FAM228B: variants seen among roughly 807,000 people sequenced by gnomAD.
The protein encoded by FAM228B is family with sequence similarity 228 member B, also known as protein FAM228B.
In FAM228B, 38 loss-of-function variants were observed where a neutral mutation model predicts 42.6. That is an observed-to-expected ratio of 0.89 (90% CI 0.69 to 1.17). The LOEUF (loss-of-function observed/expected upper bound fraction) is 1.17. Among genes scored for constraint, FAM228B ranks in the 50% most tolerant of loss-of-function variants. The pLI, the probability that FAM228B is intolerant of heterozygous loss-of-function variation, is 0.00. For synonymous variants in FAM228B, 109 were observed against 122.3 expected, an observed-to-expected ratio of 0.89 and a Z score of 0.72; for missense variants, 344 against 367.3, an observed-to-expected ratio of 0.94 and a Z score of 0.52.
At position 24,084,163 on chromosome 2, in the gene FAM228B, C is replaced by T. The variant is rs1368139713; in HGVS notation, c.-210+3208C>T. On this transcript the variant is annotated intron_variant, in intron 2 of 10. Transcript: ENST00000613899. The surrounding 1 kb of genome is among the most constrained non-coding windows in gnomAD (Gnocchi z 8.4). ...GAGGGAGGCTCTGGAGTCCCGCCCG[C>T]CCCGGCGCGGCTGAGCCCTGGGTAC... The T allele has an allele frequency of 3.8e-6, 6 of 1,595,266 alleles. No individual in the cohort carries two copies. Among genetic ancestry groups the T allele is most frequent in the Non-Finnish European group, 4.3e-6 (5 of 1,172,476 alleles).
rs570310010 is a variant in FAM228B, at chr2:24,113,177, G to A, written c.-121+17948G>A. ...AAAGCCGACTATGTGCTAGGTAGTG[G>A]TGATACAACAGTAAACAATACATCT... On this transcript the variant is annotated intron_variant, in intron 3 of 10. Coordinates refer to the FAM228B transcript ENST00000613899. Among the ~76,000 whole-genome samples the A allele has an allele frequency of 3.3e-5, 5 of 152,154 alleles. No homozygotes were observed. The South Asian group carries it at 1.0e-3, about 32-fold the overall frequency.
At chr2:24,142,740 A>T (rs1666787204) in intron 5 of FAM228B, 1 of 152,238 alleles carries the variant, frequency 6.6e-6, no homozygotes, top group African/African-American at 2.4e-5. Flanking sequence ...GTTGCCAATG[A>T]TAAAAGGTGA....
chr2:24,147,148 TATAAC>T (rs1235122824), intron 7 of FAM228B, 62 bp downstream of exon 7: 1 of 1,132,718 alleles, frequency 8.8e-7, no homozygotes, highest in East Asian at 2.7e-5. Flanking sequence ...TTCAGACTGA[TATAAC>T]ATTTTTCATA....
intron 2 of FAM228B, among the ~76,000 whole-genome samples, chr2:24,088,803 T>C (rs1206263140): frequency 3.9e-5 from 6 of 152,216 alleles, no homozygotes; most frequent in Non-Finnish European, 7.3e-5. Context: ...GGATTTGCAG[T>C]TGGCATCTTT....
chr2:24,108,059 C>G (rs1452079362), intron 3 of FAM228B, among the ~76,000 whole-genome samples: 2 of 152,054 alleles, frequency 1.3e-5, no homozygotes, highest in African/African-American at 4.8e-5. Flanking sequence ...GAGAGAAGAT[C>G]CAAATAAATA....
At chr2:24,150,188 A>G (rs1018413363) in intron 7 of FAM228B, among the ~76,000 whole-genome samples, 4 of 152,162 alleles carry the variant, frequency 2.6e-5, no homozygotes, top group Non-Finnish European at 5.9e-5. Context: ...TACTATCACC[A>G]GTGAGTTTTG....
chr2:24,137,769 A>G, intron 3 of FAM228B, 140 bp from the exon 4 acceptor site: 1 of 606,112 alleles, frequency 1.6e-6, no homozygotes, highest in Admixed American at 3.6e-5. Context: ...AGTTAAAGCC[A>G]AAGAAACGAT....
rs990487991 is a variant in FAM228B, at chr2:24,138,440, A to G, written c.360+340A>G. ...AAACCTCCACCTCACGGCTTCAAGC[A>G]ATTCTCCTGCCTTAGCCTCCCAAGT... On this transcript the variant is annotated intron_variant, in intron 4 of 10. Transcript: ENST00000615575. 1.2e-4 allele frequency among the ~76,000 whole-genome samples: 18 copies of G among 152,152 alleles called. No individual in the cohort carries two copies. The East Asian group carries it at 3.5e-3, about 30-fold the overall frequency.
chr2:24,139,439 A>G lies in FAM228B; in HGVS notation c.430A>G (p.Asn144Asp), dbSNP rs532615511. 5 of 1,544,360 alleles carry G rather than the reference A, an allele frequency of 3.2e-6. No homozygotes were observed. In the East Asian group the frequency reaches 9.8e-5, roughly 30 times the overall value. The change falls in exon 5 of 11, where the codon AAT becomes GAT. Residue 144 changes from asparagine to aspartate, a missense_variant. By Grantham distance (23) the Asn-to-Asp change is conservative. Coordinates refer to ENST00000615575, the MANE Select transcript of FAM228B (RefSeq NM_001145710.2). Reference sequence around the variant, plus strand: ...CTTTTATATGAGCAAGAAGGACCCCAATTTTCTGAAGGTAGGGTAGATTTC... The same window carrying G: ...CTTTTATATGAGCAAGAAGGACCCCGATTTTCTGAAGGTAGGGTAGATTTC... ...DPFYMSKKDPNFLKVTIPPFH... is the reference protein window; with the variant it reads ...DPFYMSKKDPDFLKVTIPPFH...
intron 3 of FAM228B, among the ~76,000 whole-genome samples, chr2:24,100,297 A>G (rs1217541144): frequency 6.6e-6 from 1 of 152,260 alleles, no homozygotes; most frequent in African/African-American, 2.4e-5. Flanking sequence ...GAGCTTCTGC[A>G]TGGCAAAAGA....
chr2:24,125,981 C>T (rs1479406963), intron 2 of FAM228B, among the ~76,000 whole-genome samples: 1 of 152,198 alleles, frequency 6.6e-6, no homozygotes, highest in Non-Finnish European at 1.5e-5. Flanking sequence ...TATTTTGCCA[C>T]TCACCCATGT....
At position 24,138,051 on chromosome 2, in the gene FAM228B, AAAG is replaced by A. The variant is rs1344522106; in HGVS notation, c.312_314del (p.Arg106del). The A allele has an allele frequency of 6.5e-7, 1 of 1,543,406 alleles. No individual in the cohort carries two copies. The highest frequency in any genetic ancestry group is 1.4e-5 in the African/African-American group (1 of 72,308). ...GTTTGCTCACATAAGAAGATTAAAA[AAAG>A]GAGGCAAGGGGAATTAGATGGCTTT... On this transcript the variant is annotated inframe_deletion, in exon 4 of 11. Transcript: ENST00000615575.
At chr2:24,083,177 T>A in intron 2 of FAM228B, 33 of 1,567,456 alleles carry the variant, frequency 2.1e-5, no homozygotes, top group Non-Finnish European at 2.8e-5. Context: ...GTGCACTAAG[T>A]GGTGAGCATG....
chr2:24,097,011 T>C (rs1665510578), intron 3 of FAM228B: 2 of 152,170 alleles, frequency 1.3e-5, no homozygotes, highest in South Asian at 4.1e-4. Flanking sequence ...CAGAATTTCA[T>C]ATCTAGCCAA....
chr2:24,151,217 A>T (rs1315388734), intron 7 of FAM228B, among the ~76,000 whole-genome samples: 1 of 151,102 alleles, frequency 6.6e-6, no homozygotes, highest in Non-Finnish European at 1.5e-5. Flanking sequence ...CTATTAAAAG[A>T]CTCTGATGTA....
Position 24,080,988 on chromosome 2 carries a change from C to T in FAM228B, c.-210+33C>T. ...GGATAGCAGCTGTGCCCACACCACT[C>T]AGTCCTGCATGGATTAGCACATAGT... On this transcript the variant is annotated intron_variant, in intron 2 of 10. Coordinates refer to the FAM228B transcript ENST00000613899. The surrounding 1 kb of genome is among the most constrained non-coding windows in gnomAD (Gnocchi z 4.7). 1 of 1,614,212 alleles carries T rather than the reference C, an allele frequency of 6.2e-7. No homozygotes were observed. The highest frequency in any genetic ancestry group is 8.5e-7 in the Non-Finnish European group (1 of 1,180,042).
At chr2:24,085,301 C>A (rs564269713) in intron 2 of FAM228B, 21 of 152,248 alleles carry the variant, frequency 1.4e-4, no homozygotes, top group African/African-American at 5.1e-4. Flanking sequence ...GGGAGAGGTT[C>A]AGCCCCAGGA....
intron 5 of FAM228B, among the ~76,000 whole-genome samples, chr2:24,143,118 C>T (rs34772797): frequency 0.12 from 18,080 of 152,036 alleles, 1,304 homozygotes; most frequent in South Asian, 0.18. Flanking sequence ...AACAAATATC[C>T]ACGATGATCT....
At chr2:24,150,694 G>A (rs980707556) in intron 7 of FAM228B, among the ~76,000 whole-genome samples, 4 of 152,064 alleles carry the variant, frequency 2.6e-5, no homozygotes, top group African/African-American at 4.8e-5. Context: ...CAAAATCCTC[G>A]GATTACAGGC....
Sources: gnomAD v4.1 joint callset for allele counts (sites outside exome capture counted in the v4.1 genomes callset) on GRCh38, gnomAD v4.1.1 for gene constraint, Gnocchi (gnomAD v3.1) non-coding constraint, MANE v1.5 for transcripts, NCBI Gene and HGNC (gene_info 2026-07-23, HGNC 2026-07-21) for gene names.